The following DCC variants were observed in gnomAD, a reference collection of about 807,000 sequenced individuals.
DCC encodes the protein DCC netrin 1 receptor.
In DCC, 58 loss-of-function variants were observed where a neutral mutation model predicts 172.5. The observed-to-expected ratio is 0.34, with a 90% CI of 0.27 to 0.42. The LOEUF is 0.42. DCC is among the 10% of genes least tolerant of loss of function. The pLI, the probability that DCC is intolerant of heterozygous loss-of-function variation, is 1.00. For synonymous variants in DCC, 709 were observed against 644.5 expected (o/e 1.10, Z -1.52); for missense variants, 1,740 against 1,791.0 (o/e 0.97, Z 0.51).
At chr18:53,295,787 A>G (rs769395048) in intron 12 of DCC, among the ~76,000 whole-genome samples, 5 of 152,136 alleles carry the variant, frequency 3.3e-5, no homozygotes, top group Non-Finnish European at 7.3e-5. Flanking sequence ...AACCTTATCC[A>G]TGTAAATGCA....
intron 2 of DCC, among the ~76,000 whole-genome samples, chr18:52,785,334 G>A (rs2037635601): frequency 6.6e-6 from 1 of 152,018 alleles, no homozygotes; most frequent in Non-Finnish European, 1.5e-5. Flanking sequence ...TTTATAGGCT[G>A]CTCTTTGTTA....
intron 1 of DCC, among the ~76,000 whole-genome samples, chr18:52,350,826 T>C (rs1360506690): frequency 1.3e-5 from 2 of 152,142 alleles, no homozygotes; most frequent in Non-Finnish European, 1.5e-5. Flanking sequence ...AGAATGAGGA[T>C]ATTATGGTTT....
chr18:53,266,083 C>T (rs1483331008), intron 12 of DCC, among the ~76,000 whole-genome samples: 2 of 152,166 alleles, frequency 1.3e-5, no homozygotes, highest in South Asian at 2.1e-4. Context: ...TTCTTCCAAG[C>T]CATCCAAATC....
At chr18:53,479,629 A>G (rs183082453) in intron 25 of DCC, among the ~76,000 whole-genome samples, 1 of 152,272 alleles carries the variant, frequency 6.6e-6, no homozygotes, top group East Asian at 1.9e-4. Flanking sequence ...ACAAGATAAG[A>G]AGTAGTTTGT....
intron 5 of DCC, among the ~76,000 whole-genome samples, chr18:53,010,060 T>A (rs2041706102): frequency 6.6e-6 from 1 of 152,024 alleles, no homozygotes. Flanking sequence ...ACTCCTGTGA[T>A]CTTGCCTCAT....
chr18:53,140,989 T>TC (rs1241752409), intron 7 of DCC, among the ~76,000 whole-genome samples: 5 of 152,122 alleles, frequency 3.3e-5, no homozygotes, highest in African/African-American at 1.2e-4. Context: ...CACAAGAAGT[T>TC]CCTCAATAAG....
intron 1 of DCC, among the ~76,000 whole-genome samples, chr18:52,510,805 C>T (rs920416489): frequency 1.3e-4 from 20 of 152,096 alleles, no homozygotes; most frequent in South Asian, 4.1e-4. Flanking sequence ...GAATCTCTGA[C>T]GGTGTCCCAC....
chr18:53,305,482 C>G, intron 12 of DCC, 96 bp from the exon 13 acceptor site: 1 of 1,022,128 alleles, frequency 9.8e-7, no homozygotes, highest in African/African-American at 1.6e-5. Flanking sequence ...TCTTGCTTCT[C>G]TGCTTTCTTC....
intron 1 of DCC, among the ~76,000 whole-genome samples, chr18:52,471,827 A>T (rs1251982184): frequency 6.6e-6 from 1 of 152,212 alleles, no homozygotes; most frequent in Non-Finnish European, 1.5e-5. Context: ...ACTTTGTGTA[A>T]CCTTGCTGAA....
intron 2 of DCC, among the ~76,000 whole-genome samples, chr18:52,753,118 C>T (rs960460420): frequency 6.8e-4 from 103 of 152,074 alleles, no homozygotes; most frequent in African/African-American, 2.5e-3. Context: ...ACCCTCATTT[C>T]AATTCCTTTG....
intron 1 of DCC, among the ~76,000 whole-genome samples, chr18:52,342,272 TGTGTGTGC>T (rs1407629917): frequency 9.4e-6 from 1 of 106,822 alleles, no homozygotes; most frequent in Non-Finnish European, 2.2e-5. Context: ...GAGGGGTGTG[TGTGTGTGC>T]GTGTGTGTGT....
intron 13 of DCC, among the ~76,000 whole-genome samples, chr18:53,306,541 A>G (rs899690110): frequency 1.3e-5 from 2 of 152,206 alleles, no homozygotes; most frequent in Non-Finnish European, 1.5e-5. Flanking sequence ...TTGAGAAGCC[A>G]CATGAACTAT....
chr18:52,985,616 C>G (rs1200823981), intron 5 of DCC, among the ~76,000 whole-genome samples: 1 of 151,984 alleles, frequency 6.6e-6, no homozygotes, highest in African/African-American at 2.4e-5. Flanking sequence ...CACAGGGTAT[C>G]TTTTAACTCA....
chr18:52,923,288 C>T (rs2040152533), intron 3 of DCC, among the ~76,000 whole-genome samples: 1 of 152,050 alleles, frequency 6.6e-6, no homozygotes, highest in African/African-American at 2.4e-5. Flanking sequence ...ATATTTGTTT[C>T]TCTTATTTTC....
Position 52,937,661 on chromosome 18 carries a change from A to T in DCC, c.985+12291A>T, listed in dbSNP as rs542915242. 1.6e-3 allele frequency among the ~76,000 whole-genome samples: 236 copies of T among 151,984 alleles called. 1 individual carries two copies. Among genetic ancestry groups the T allele is most frequent in the African/African-American group, 5.1e-3 (212 of 41,432 alleles). On this transcript the variant is annotated intron_variant, in intron 5 of 28. Coordinates refer to ENST00000442544, the MANE Select transcript of DCC (RefSeq NM_005215.4). ...ACCACACCTGGCTAATTTAAAAAAA[A>T]TTTTTTTGTAGAGTTGAGGTCTCAC...
chr18:52,616,805 G>A (rs2034390130), intron 1 of DCC, among the ~76,000 whole-genome samples: 1 of 152,138 alleles, frequency 6.6e-6, no homozygotes, highest in African/African-American at 2.4e-5. Context: ...TAACAATAGT[G>A]AAAAAGGACT....
intron 2 of DCC, among the ~76,000 whole-genome samples, chr18:52,811,714 T>G (rs543289826): frequency 3.2e-4 from 49 of 152,292 alleles, no homozygotes; most frequent in Non-Finnish European, 6.8e-4. Context: ...CTTTGTAGCT[T>G]TTCATTATTT....
At chr18:52,652,741 G>GTGT (rs1555709976) in intron 1 of DCC, among the ~76,000 whole-genome samples, 33 of 43,138 alleles carry the variant, frequency 7.6e-4, no homozygotes, top group Admixed American at 2.4e-3. Context: ...TGTGTGTGTG[G>GTGT]GTGGAGGAGG....
intron 12 of DCC, among the ~76,000 whole-genome samples, chr18:53,269,296 C>T (rs1038068165): frequency 6.6e-6 from 1 of 152,170 alleles, no homozygotes; most frequent in Non-Finnish European, 1.5e-5. Flanking sequence ...TAACAACACA[C>T]ATACACGAAT....
Sources: allele counts gnomAD v4.1 joint callset (sites outside exome capture counted in the v4.1 genomes callset), GRCh38; gene constraint gnomAD v4.1.1; transcripts MANE v1.5; gene names NCBI Gene and HGNC (gene_info 2026-07-23, HGNC 2026-07-21).